PDE10A: variants seen among roughly 807,000 people sequenced by gnomAD.
PDE10A encodes the protein phosphodiesterase 10A, also known as cAMP and cAMP-inhibited cGMP 3',5'-cyclic phosphodiesterase 10A.
PDE10A carries 39 observed loss-of-function variants against 97.7 expected under a neutral mutation model. The ratio of observed to expected loss-of-function variants is 0.40; its 90% CI spans 0.31 to 0.52. The LOEUF (loss-of-function observed/expected upper bound fraction) is 0.52, where lower values mean the gene tolerates loss of function less well. Ranked by LOEUF, PDE10A falls within the 20% of genes least tolerant of loss-of-function variation. PDE10A has a pLI of 0.56. For synonymous variants in PDE10A, 371 were observed against 376.8 expected (o/e 0.98, Z 0.18); for missense variants, 731 against 1,047.8 (o/e 0.70, Z 4.17).
intron 2 of PDE10A, among the ~76,000 whole-genome samples, chr6:165,529,580 G>A (rs1365398637): frequency 6.6e-6 from 1 of 152,190 alleles, no homozygotes; most frequent in Non-Finnish European, 1.5e-5. Flanking sequence ...GACTGCAACT[G>A]TCATGAATAT....
intron 18 of PDE10A, among the ~76,000 whole-genome samples, chr6:165,374,169 A>G (rs1448706937): frequency 2.0e-5 from 3 of 151,416 alleles, no homozygotes; most frequent in African/African-American, 4.9e-5. Context: ...AGCATGGCAC[A>G]TGTATACATA....
intron 1 of PDE10A, among the ~76,000 whole-genome samples, chr6:165,754,563 T>C (rs964416239): frequency 1.4e-5 from 2 of 146,124 alleles, no homozygotes; most frequent in Non-Finnish European, 3.1e-5. Flanking sequence ...CAAAAGTTTC[T>C]CTCTATATAT....
In PDE10A at chr6:165,684,528, T is replaced by C. The variant is rs146277027; in HGVS notation, c.-614-140960A>G. Among the ~76,000 whole-genome samples the C allele has an allele frequency of 2.9e-3, 437 of 152,332 alleles. 1 individual carries two copies. Among genetic ancestry groups the C allele is most frequent in the Non-Finnish European group, 4.9e-3 (334 of 68,026 alleles). ...TGCCATCACTGCTATGTGAGTTGCA[T>C]TGGCATTTCATTGGATGCATGGGCA... is the stretch of plus-strand genomic sequence containing the variant. On this transcript the variant is annotated intron_variant, in intron 1 of 19. Coordinates refer to the PDE10A transcript ENST00000366882.
At chr6:165,362,385 C>T (rs927417742) in intron 18 of PDE10A, among the ~76,000 whole-genome samples, 2 of 152,014 alleles carry the variant, frequency 1.3e-5, no homozygotes, top group Non-Finnish European at 2.9e-5. Flanking sequence ...AACTTTACTA[C>T]CAATCTTACA....
intron 5 of PDE10A, among the ~76,000 whole-genome samples, chr6:165,446,965 G>A (rs1583301126): frequency 6.6e-6 from 1 of 152,004 alleles, no homozygotes; most frequent in African/African-American, 2.4e-5. Flanking sequence ...TAAAAGATAA[G>A]TAAAGATTAA....
intron 2 of PDE10A, among the ~76,000 whole-genome samples, chr6:165,488,316 T>C (rs1297832625): frequency 6.6e-6 from 1 of 152,228 alleles, no homozygotes; most frequent in Admixed American, 6.5e-5. Context: ...TAATACCTTT[T>C]AAAAGCCTTA....
chr6:165,596,627 G>A (rs551421750), intron 1 of PDE10A, among the ~76,000 whole-genome samples: 3 of 152,284 alleles, frequency 2.0e-5, no homozygotes, highest in Admixed American at 6.5e-5. Flanking sequence ...CTACTTGAGA[G>A]GCTGAGGTGG....
chr6:165,957,495 C>T (rs1224852056), intron 1 of PDE10A, among the ~76,000 whole-genome samples: 1 of 151,978 alleles, frequency 6.6e-6, no homozygotes, highest in Non-Finnish European at 1.5e-5. Flanking sequence ...ATACAGAAAA[C>T]AAAAATCCCA....
intron 1 of PDE10A, among the ~76,000 whole-genome samples, chr6:165,751,422 GC>G (rs1208065340): frequency 6.6e-6 from 1 of 152,184 alleles, no homozygotes; most frequent in Non-Finnish European, 1.5e-5. Context: ...AAGTGAAGGA[GC>G]ACCCCTTTGA....
chr6:165,473,418 A>G (rs1779124227), intron 3 of PDE10A, among the ~76,000 whole-genome samples: 1 of 152,234 alleles, frequency 6.6e-6, no homozygotes, highest in African/African-American at 2.4e-5. Flanking sequence ...ATCCAAGCCC[A>G]GGTGTTGGAA....
intron 1 of PDE10A, among the ~76,000 whole-genome samples, chr6:165,802,533 C>CA (rs1779010393): frequency 6.6e-6 from 1 of 152,224 alleles, no homozygotes; most frequent in Non-Finnish European, 1.5e-5. Flanking sequence ...AGAGCTACCG[C>CA]AAAGTGGTGG....
intron 1 of PDE10A, among the ~76,000 whole-genome samples, chr6:165,855,305 C>G (rs79516212): frequency 5.5e-3 from 471 of 86,372 alleles, no homozygotes; most frequent in East Asian, 8.8e-3. Context: ...CGGGAAGTGG[C>G]GGGGGGGGGG....
chr6:165,581,139 T>C (rs1423830764), intron 1 of PDE10A, among the ~76,000 whole-genome samples: 1 of 152,250 alleles, frequency 6.6e-6, no homozygotes, highest in African/African-American at 2.4e-5. Flanking sequence ...ATTCTAACTT[T>C]ACCACTCATA....
At chr6:165,544,872 A>G (rs1407906209) in intron 1 of PDE10A, among the ~76,000 whole-genome samples, 16 of 151,974 alleles carry the variant, frequency 1.1e-4, no homozygotes, top group Non-Finnish European at 1.5e-5. Context: ...TGTATAAGAC[A>G]AATGAAAATA....
intron 6 of PDE10A, 28 bp downstream of exon 6, chr6:165,435,209 T>C (rs193081234): frequency 1.9e-5 from 30 of 1,583,840 alleles, no homozygotes; most frequent in Middle Eastern, 3.3e-4. Flanking sequence ...AGGTCAAAAG[T>C]GTCACAAAGA....
rs1241249295 is a variant in PDE10A, at chr6:165,543,563, T to C, written c.871A>G (p.Thr291Ala). The C allele has an allele frequency of 6.2e-7, 1 of 1,606,182 alleles. No individual in the cohort carries two copies. The highest frequency in any genetic ancestry group is 2.2e-5 in the East Asian group (1 of 44,716). Residue 291 changes from threonine (T) to alanine (A), a missense_variant, in exon 2 of 22, where the codon ACA becomes GCA. Coordinates refer to ENST00000539869, the MANE Select transcript of PDE10A (RefSeq NM_001385079.1). The stretch of plus-strand genomic sequence containing the variant: ...AGATATGCCTTCACTTTTTCATCTG[T>C]CAAACCTGTAAAAGAATTGAAAAGA... ...LTECFLSPSL[T>A]DEKVKAYLSL...
chr6:165,404,394 C>G (rs969538571), intron 13 of PDE10A, among the ~76,000 whole-genome samples: 6 of 151,910 alleles, frequency 3.9e-5, no homozygotes, highest in African/African-American at 1.5e-4. Context: ...AAAAAAGAAG[C>G]CTTGTCTCTA....
At chr6:165,494,453 T>C (rs1583403360) in intron 2 of PDE10A, among the ~76,000 whole-genome samples, 1 of 122,056 alleles carries the variant, frequency 8.2e-6, no homozygotes, top group East Asian at 2.7e-4. Context: ...ATAAAGAAAA[T>C]GTGGGGGGGG....
intron 1 of PDE10A, among the ~76,000 whole-genome samples, chr6:165,738,886 A>G (rs1230581363): frequency 1.3e-5 from 2 of 152,256 alleles, no homozygotes; most frequent in Non-Finnish European, 2.9e-5. Flanking sequence ...AATTTAAAAA[A>G]CAATTTCATT....
Sources: allele counts gnomAD v4.1 joint callset (sites outside exome capture counted in the v4.1 genomes callset), GRCh38; gene constraint gnomAD v4.1.1; transcripts MANE v1.5; gene names NCBI Gene and HGNC (gene_info 2026-07-23, HGNC 2026-07-21).